Variants in SGCZ observed in about 807,000 individuals in gnomAD.
SGCZ encodes the protein sarcoglycan zeta, also known as zeta-sarcoglycan.
A neutral mutation model predicts 41.3 loss-of-function variants in SGCZ; 40 were observed. The ratio of observed to expected loss-of-function variants is 0.97; its 90% CI spans 0.75 to 1.26. The LOEUF (loss-of-function observed/expected upper bound fraction) is 1.26. Among genes scored for constraint, SGCZ ranks in the 50% most tolerant of loss-of-function variants. The probability of loss-of-function intolerance (pLI) is 0.00; values close to 1 mark genes in which losing one functional copy is unlikely to be tolerated. For missense variants in SGCZ, 552 were observed against 369.8 expected, an observed-to-expected ratio of 1.49 and a Z score of -4.04; for synonymous variants, 206 against 137.5, an observed-to-expected ratio of 1.50 and a Z score of -3.49.
intron 2 of SGCZ, among the ~76,000 whole-genome samples, chr8:14,408,137 A>C (rs2117267856): frequency 6.6e-6 from 1 of 152,258 alleles, no homozygotes; most frequent in East Asian, 1.9e-4. Flanking sequence ...GCAGAGTAGT[A>C]GAAATTAAAA....
intron 1 of SGCZ, among the ~76,000 whole-genome samples, chr8:15,009,874 G>T (rs185006010): frequency 5.3e-5 from 8 of 152,138 alleles, no homozygotes; most frequent in African/African-American, 2.4e-5. Context: ...AATTTCCTCT[G>T]TAGCAAATTT....
At position 14,354,536 on chromosome 8, in the gene SGCZ, A is replaced by G. The variant is rs575204195; in HGVS notation, c.235-30332T>C. Among the ~76,000 whole-genome samples, 4 of 151,860 alleles carry G rather than the reference A, an allele frequency of 2.6e-5. No homozygotes were observed. In the South Asian group the frequency reaches 6.2e-4, roughly 24 times the overall value. Reference sequence around the variant, plus strand: ...TATTCCAACACAGTAATATTCCAATATATATAGTATACTAATATTGTAATA... The same window carrying G: ...TATTCCAACACAGTAATATTCCAATGTATATAGTATACTAATATTGTAATA... On this transcript the variant is annotated intron_variant, in intron 2 of 7. Coordinates refer to ENST00000382080, the MANE Select transcript of SGCZ (RefSeq NM_139167.4).
chr8:14,563,425 T>C (rs1423946083), intron 1 of SGCZ, among the ~76,000 whole-genome samples: 1 of 152,126 alleles, frequency 6.6e-6, no homozygotes, highest in Non-Finnish European at 1.5e-5. Flanking sequence ...AAGAAAAAAG[T>C]CGTTAAGGAA....
intron 1 of SGCZ, among the ~76,000 whole-genome samples, chr8:15,158,946 T>A (rs889692859): frequency 2.6e-5 from 4 of 152,206 alleles, no homozygotes; most frequent in Admixed American, 2.6e-4. Context: ...TGTTTCCTGA[T>A]ATACAACTCC....
At chr8:14,934,786 A>G (rs1033760030) in intron 1 of SGCZ, among the ~76,000 whole-genome samples, 46 of 151,786 alleles carry the variant, frequency 3.0e-4, no homozygotes, top group African/African-American at 1.1e-3. Flanking sequence ...AACTAAAAAC[A>G]AAAAAGGCAG....
chr8:14,160,063 T>A (rs1803993846), intron 5 of SGCZ, among the ~76,000 whole-genome samples: 1 of 152,114 alleles, frequency 6.6e-6, no homozygotes, highest in African/African-American at 2.4e-5. Context: ...AGATGCAGAG[T>A]TGGATTTCAC....
rs111853858 is a variant in SGCZ, at chr8:14,584,080, T to C, written c.40-29154A>G. Among the ~76,000 whole-genome samples, 1,283 of 152,262 alleles carry C rather than the reference T, an allele frequency of 8.4e-3. 14 individuals carry two copies. The highest frequency in any genetic ancestry group is 0.029 in the African/African-American group (1,223 of 41,566). On this transcript the variant is annotated intron_variant, in intron 1 of 7. Transcript: ENST00000382080. Reference sequence around the variant, plus strand: ...TTATCTCAGGGAGCTCAACATTTACTTAAATATTAAACGTTAATATAAATT... The same window carrying C: ...TTATCTCAGGGAGCTCAACATTTACCTAAATATTAAACGTTAATATAAATT...
chr8:14,424,265 G>T (rs977387267), intron 2 of SGCZ, among the ~76,000 whole-genome samples: 32 of 152,124 alleles, frequency 2.1e-4, no homozygotes, highest in Admixed American at 6.6e-5. Context: ...TGCAATGTTA[G>T]GTGCTAAAGC....
intron 6 of SGCZ, among the ~76,000 whole-genome samples, chr8:14,102,984 A>T (rs867194118): frequency 6.6e-6 from 1 of 152,192 alleles, no homozygotes; most frequent in South Asian, 2.1e-4. Flanking sequence ...AATTGTTAAT[A>T]TTGCACACTT....
intron 1 of SGCZ, among the ~76,000 whole-genome samples, chr8:15,074,475 A>G (rs1805461606): frequency 6.6e-6 from 1 of 152,148 alleles, no homozygotes; most frequent in Non-Finnish European, 1.5e-5. Context: ...TATTCTCCTT[A>G]GTCTTTTAAA....
At chr8:14,324,257 T>G in intron 2 of SGCZ, 53 bp from the exon 3 acceptor site, 1 of 1,331,722 alleles carries the variant, frequency 7.5e-7, no homozygotes, top group Admixed American at 1.7e-5. Flanking sequence ...AATGAATATC[T>G]GGCCATAATT....
chr8:14,839,910 T>C (rs1201755343), intron 1 of SGCZ, among the ~76,000 whole-genome samples: 1 of 152,196 alleles, frequency 6.6e-6, no homozygotes, highest in Non-Finnish European at 1.5e-5. Context: ...GAAATGATAT[T>C]AACATTTTCT....
At chr8:14,817,747 A>T (rs890535880) in intron 1 of SGCZ, among the ~76,000 whole-genome samples, 11 of 152,188 alleles carry the variant, frequency 7.2e-5, no homozygotes, top group African/African-American at 2.7e-4. Context: ...CAGCTGACTG[A>T]CTTGCCCATG....
At chr8:14,254,707 T>G (rs934326490) in intron 3 of SGCZ, among the ~76,000 whole-genome samples, 1 of 152,166 alleles carries the variant, frequency 6.6e-6, no homozygotes, top group Non-Finnish European at 1.5e-5. Context: ...GAAATGAATA[T>G]GCATACTTAC....
chr8:14,639,236 A>G (rs1365579581), intron 1 of SGCZ, among the ~76,000 whole-genome samples: 1 of 151,430 alleles, frequency 6.6e-6, no homozygotes, highest in Non-Finnish European at 1.5e-5. Flanking sequence ...AAGTTAGGAG[A>G]GGCAGCAATC....
intron 1 of SGCZ, among the ~76,000 whole-genome samples, chr8:14,799,182 T>G (rs1208321475): frequency 6.6e-6 from 1 of 152,132 alleles, no homozygotes; most frequent in Non-Finnish European, 1.5e-5. Flanking sequence ...ACTTACTTTA[T>G]AAAGATATTT....
chr8:14,209,759 G>C (rs968766135), intron 4 of SGCZ, among the ~76,000 whole-genome samples: 2 of 152,066 alleles, frequency 1.3e-5, no homozygotes, highest in Non-Finnish European at 2.9e-5. Context: ...TCAGCAGTAA[G>C]TAAACGAGAG....
intron 1 of SGCZ, among the ~76,000 whole-genome samples, chr8:14,794,534 G>A (rs920500215): frequency 1.2e-4 from 18 of 152,264 alleles, no homozygotes; most frequent in African/African-American, 4.3e-4. Context: ...TGTAATATAT[G>A]AGAAAAGACT....
At chr8:14,111,872 T>A (rs1040725789) in intron 5 of SGCZ, among the ~76,000 whole-genome samples, 2 of 152,192 alleles carry the variant, frequency 1.3e-5, no homozygotes, top group African/African-American at 4.8e-5. Flanking sequence ...GCTAGGATAC[T>A]ACCCTTTACA....
Sources: allele counts gnomAD v4.1 joint callset (sites outside exome capture counted in the v4.1 genomes callset), GRCh38; gene constraint gnomAD v4.1.1; transcripts MANE v1.5; gene names NCBI Gene and HGNC (gene_info 2026-07-23, HGNC 2026-07-21).